The following RSPO2 variants were observed in gnomAD, a reference collection of about 807,000 sequenced individuals.
The protein encoded by RSPO2 is R-spondin 2, also known as R-spondin-2.
RSPO2 carries 14 observed loss-of-function variants against 30.9 expected under a neutral mutation model. The ratio of observed to expected loss-of-function variants is 0.45; its 90% CI spans 0.30 to 0.71. RSPO2 has a LOEUF of 0.71. Ranked by LOEUF, RSPO2 falls within the 30% of genes least tolerant of loss-of-function variation. The pLI is 0.08. For missense variants in RSPO2, 264 were observed against 301.9 expected (o/e 0.87, Z 0.93); for synonymous variants, 107 against 96.4 (o/e 1.11, Z -0.64).
At position 108,076,415 on chromosome 8, in the gene RSPO2, A is replaced by G. The variant is rs143970647; in HGVS notation, c.94+6130T>C. On this transcript the variant is annotated intron_variant, in intron 2 of 5. Transcript: ENST00000276659. The stretch of plus-strand genomic sequence containing the variant: ...GCAGCACTGTAAGGGATGGAGCATC[A>G]TAAGTGGATTGAAGTAGATGCTGGA... Among the ~76,000 whole-genome samples, 646 of 152,342 alleles carry G rather than the reference A, an allele frequency of 4.2e-3. 4 individuals are homozygous for G. The highest frequency in any genetic ancestry group is 0.013 in the African/African-American group (555 of 41,582).
At chr8:108,030,870 G>A (rs1811398512) in intron 2 of RSPO2, among the ~76,000 whole-genome samples, 1 of 152,104 alleles carries the variant, frequency 6.6e-6, no homozygotes, top group Non-Finnish European at 1.5e-5. Flanking sequence ...AGAAGGTATA[G>A]TATTACAATA....
At chr8:107,993,880 G>A (rs146278589) in intron 2 of RSPO2, among the ~76,000 whole-genome samples, 2 of 152,122 alleles carry the variant, frequency 1.3e-5, no homozygotes, top group Middle Eastern at 3.4e-3. Context: ...TTGTATCTCT[G>A]TGTCTTTTTC....
At chr8:107,946,912 GATT>G (rs1236686780) in intron 5 of RSPO2, among the ~76,000 whole-genome samples, 1 of 152,208 alleles carries the variant, frequency 6.6e-6, no homozygotes, top group Non-Finnish European at 1.5e-5. Flanking sequence ...AAAGCTAGAT[GATT>G]ATTTGTCAAA....
chr8:107,923,097 G>A (rs1812235673), intron 5 of RSPO2, among the ~76,000 whole-genome samples: 1 of 152,136 alleles, frequency 6.6e-6, no homozygotes, highest in Admixed American at 6.6e-5. Flanking sequence ...TGAAACTTAC[G>A]AGCTTCTGCA....
intron 3 of RSPO2, among the ~76,000 whole-genome samples, chr8:107,980,776 G>A (rs1414729535): frequency 2.6e-5 from 4 of 152,100 alleles, no homozygotes; most frequent in South Asian, 2.1e-4. Context: ...CCTGAGCCCT[G>A]CAATTTTTCA....
rs114742906 is a variant in RSPO2 at position 108,041,879 on chromosome 8, A to G, written c.94+40666T>C. 3.9e-3 allele frequency among the ~76,000 whole-genome samples: 601 copies of G among 152,234 alleles called. 2 individuals carry two copies. The highest frequency in any genetic ancestry group is 0.014 in the African/African-American group (568 of 41,560). On this transcript the variant is annotated intron_variant, in intron 2 of 5. Transcript: ENST00000276659. ...ATCACAACAGGTCAAAGGGGAAGGG[A>G]GTAGGATAATAAAGATGGCAGCCTG...
At chr8:108,002,815 T>A (rs2130562619) in intron 2 of RSPO2, among the ~76,000 whole-genome samples, 1 of 152,352 alleles carries the variant, frequency 6.6e-6, no homozygotes, top group African/African-American at 2.4e-5. Context: ...CCACTCTTGT[T>A]AACTACACTA....
chr8:107,929,955 T>C (rs1307426681), intron 5 of RSPO2, among the ~76,000 whole-genome samples: 1 of 152,208 alleles, frequency 6.6e-6, no homozygotes, highest in African/African-American at 2.4e-5. Flanking sequence ...TGCATCTATT[T>C]GCCTACTTAG....
chr8:107,960,574 A>G, intron 4 of RSPO2, 100 bp downstream of exon 4: 1 of 1,155,984 alleles, frequency 8.7e-7, no homozygotes, highest in Non-Finnish European at 1.3e-6. Flanking sequence ...CAAGAGAACC[A>G]ATTTGTTTCT....
chr8:107,973,536 A>ACACT (rs1814089364), intron 3 of RSPO2, among the ~76,000 whole-genome samples: 26 of 15,432 alleles, frequency 1.7e-3, no homozygotes, highest in Admixed American at 3.7e-3. Flanking sequence ...ACACACTCAC[A>ACACT]CACACACACA....
At chr8:107,952,451 A>G (rs981478562) in intron 5 of RSPO2, among the ~76,000 whole-genome samples, 4 of 152,164 alleles carry the variant, frequency 2.6e-5, no homozygotes, top group African/African-American at 9.7e-5. Context: ...CAGAAAGACA[A>G]TAAGAATTTC....
chr8:107,917,239 C>T (rs1812010188), intron 5 of RSPO2, among the ~76,000 whole-genome samples: 1 of 152,054 alleles, frequency 6.6e-6, no homozygotes, highest in South Asian at 2.1e-4. Context: ...AATCCCAGCA[C>T]TTAGGGAGGC....
intron 3 of RSPO2, among the ~76,000 whole-genome samples, chr8:107,973,289 G>A (rs1157700012): frequency 1.3e-5 from 2 of 151,596 alleles, no homozygotes; most frequent in Non-Finnish European, 2.9e-5. Flanking sequence ...AATGGGGGGG[G>A]AACTAGCCAA....
At chr8:107,925,630 C>T (rs1471532033) in intron 5 of RSPO2, among the ~76,000 whole-genome samples, 2 of 151,936 alleles carry the variant, frequency 1.3e-5, no homozygotes, top group Non-Finnish European at 2.9e-5. Context: ...GTTCAATTCC[C>T]ACCTATGAGT....
intron 2 of RSPO2, among the ~76,000 whole-genome samples, chr8:107,999,613 T>C (rs1815159620): frequency 1.3e-5 from 2 of 152,110 alleles, no homozygotes; most frequent in Admixed American, 1.3e-4. Context: ...TTTTGTATTT[T>C]TAGTAGAGAC....
At chr8:108,001,890 G>T (rs1478809406) in intron 2 of RSPO2, among the ~76,000 whole-genome samples, 1 of 152,084 alleles carries the variant, frequency 6.6e-6, no homozygotes, top group Non-Finnish European at 1.5e-5. Context: ...TCTGGCAGGG[G>T]GTGGGGGCAA....
intron 3 of RSPO2, among the ~76,000 whole-genome samples, chr8:107,965,014 G>A (rs1242630056): frequency 2.0e-5 from 3 of 152,094 alleles, no homozygotes; most frequent in Non-Finnish European, 4.4e-5. Flanking sequence ...TCTTATAAAT[G>A]AGTTAGTCAC....
At chr8:107,965,827 G>T (rs567349620) in intron 3 of RSPO2, among the ~76,000 whole-genome samples, 1 of 152,168 alleles carries the variant, frequency 6.6e-6, no homozygotes, top group African/African-American at 2.4e-5. Flanking sequence ...AGCCATACTT[G>T]TTGTAAAGAA....
intron 5 of RSPO2, among the ~76,000 whole-genome samples, chr8:107,932,009 A>T (rs979185475): frequency 6.6e-6 from 1 of 152,144 alleles, no homozygotes; most frequent in Admixed American, 6.6e-5. Context: ...TGTTTTTTTT[A>T]AAAGACTATC....
Sources: allele counts gnomAD v4.1 joint callset (sites outside exome capture counted in the v4.1 genomes callset), GRCh38; gene constraint gnomAD v4.1.1; transcripts MANE v1.5; gene names NCBI Gene and HGNC (gene_info 2026-07-23, HGNC 2026-07-21).